Variants in UMPS observed in about 807,000 individuals in gnomAD.
UMPS encodes uridine 5'-monophosphate synthase.
UMPS carries 21 observed loss-of-function variants against 38.9 expected under a neutral mutation model. That is an observed-to-expected ratio of 0.54 (90% CI 0.38 to 0.78). The LOEUF (loss-of-function observed/expected upper bound fraction) is 0.78, where lower values mean the gene tolerates loss of function less well. Ranked by LOEUF, UMPS falls within the 30% of genes least tolerant of loss-of-function variation. UMPS has a pLI of 0.00. For synonymous variants in UMPS, 208 were observed against 219.3 expected (o/e 0.95, Z 0.45); for missense variants, 533 against 591.6 (o/e 0.90, Z 1.03).
intron 2 of UMPS, among the ~76,000 whole-genome samples, chr3:124,735,759 T>C (rs983455250): frequency 2.6e-5 from 4 of 152,070 alleles, no homozygotes; most frequent in African/African-American, 9.7e-5. Flanking sequence ...GGCGGATCAC[T>C]TGAGGTCAGG....
chr3:124,737,073 A>G, intron 2 of UMPS: 1 of 156,076 alleles, frequency 6.4e-6, no homozygotes, highest in Non-Finnish European at 1.4e-5. Flanking sequence ...ATTCTGTTTC[A>G]TAACTTTCCT....
chr3:124,731,795 G>T (rs1471146252), intron 1 of UMPS, among the ~76,000 whole-genome samples: 1 of 151,720 alleles, frequency 6.6e-6, no homozygotes, highest in Non-Finnish European at 1.5e-5. Context: ...TACTCAGGAG[G>T]CTGAGGCAGA....
rs1305119781 is a variant in UMPS, at chr3:124,737,923, C to G, written c.666C>G (p.Pro222=). The G allele has an allele frequency of 6.2e-7, 1 of 1,614,178 alleles. No homozygotes were observed. Among genetic ancestry groups the G allele is most frequent in the Non-Finnish European group, 8.5e-7 (1 of 1,180,024 alleles). The part of the protein sequence containing the change: ...NGSPLSIKEA[P]KELSFGARAE... Reference sequence around the variant, plus strand: ...CTCCCCTTTCTATAAAGGAAGCACCCAAAGAACTCAGCTTCGGTGCACGTG... The same window carrying G: ...CTCCCCTTTCTATAAAGGAAGCACCGAAAGAACTCAGCTTCGGTGCACGTG... Residue 222 remains proline (P), a synonymous_variant, in exon 3 of 6, where the codon CCC becomes CCG. Coordinates refer to ENST00000232607, the MANE Select transcript of UMPS (RefSeq NM_000373.4).
rs909266994 is a variant in UMPS, at chr3:124,744,315, G to C, written c.*231G>C. On this transcript the variant is annotated 3_prime_UTR_variant, in exon 6 of 6. Transcript: ENST00000232607. Reference sequence around the variant, plus strand: ...CTTAAGCTTGCTTTTTTTGAGACTGGTGTTTGTTAGACAGCCACAGTCCTG... The same window carrying C: ...CTTAAGCTTGCTTTTTTTGAGACTGCTGTTTGTTAGACAGCCACAGTCCTG... 3.4e-6 allele frequency: 2 copies of C among 594,740 alleles called. No homozygotes were observed. Among genetic ancestry groups the C allele is most frequent in the Non-Finnish European group, 6.2e-6 (2 of 321,178 alleles). The allele number at this position is 594,740 out of a possible 1,614,324, so 36.8% of individuals were successfully genotyped here.
chr3:124,745,500 A>C lies in UMPS; in HGVS notation c.*1416A>C, dbSNP rs1399247759. 2.2e-6 allele frequency: 1 copy of C among 453,928 alleles called. No individual in the cohort carries two copies. The highest frequency in any genetic ancestry group is 4.4e-6 in the Non-Finnish European group (1 of 226,762). The allele number at this position is 453,928 out of a possible 1,614,324, so 28.1% of individuals were successfully genotyped here. ...TGCCTCAGCCTCCCGAGTAGCTGGG[A>C]CTACAAGCCTAGGATTTTTAACTCA... On this transcript the variant is annotated 3_prime_UTR_variant, in exon 6 of 6. Transcript: ENST00000232607.
intron 4 of UMPS, among the ~76,000 whole-genome samples, chr3:124,740,881 C>G (rs963776272): frequency 2.6e-5 from 4 of 151,942 alleles, no homozygotes; most frequent in African/African-American, 4.8e-5. Flanking sequence ...GCTTGAAGTT[C>G]AAGGCTGCAG....
intron 1 of UMPS, among the ~76,000 whole-genome samples, chr3:124,734,438 T>C (rs1001778418): frequency 4.6e-5 from 7 of 152,230 alleles, no homozygotes; most frequent in Non-Finnish European, 1.5e-5. Context: ...GTTTAGATAC[T>C]CAGCCTAATG....
Position 124,737,942 on chromosome 3 carries a change from GC to G in UMPS, c.686del (p.Ala229AspfsTer41). On this transcript the variant is annotated frameshift_variant, in exon 3 of 6. Coordinates refer to ENST00000232607, the MANE Select transcript of UMPS (RefSeq NM_000373.4). LOFTEE classifies it high-confidence loss of function. ...KEAPKELSFGARAELPRIHPV... is the reference protein window; with the variant it reads ...KEAPKELSFGXRAELPRIHPV... The stretch of plus-strand genomic sequence containing the variant: ...AGCACCCAAAGAACTCAGCTTCGGT[GC>G]ACGTGCAGAGCTGCCCAGGATCCAC... 1 of 1,614,210 alleles carries G rather than the reference GC, an allele frequency of 6.2e-7. No individual in the cohort carries two copies. The highest frequency in any genetic ancestry group is 8.5e-7 in the Non-Finnish European group (1 of 1,180,032).
In UMPS at chr3:124,747,577, C is replaced by G. The variant is rs1265466415; in HGVS notation, c.*3493C>G. The G allele has an allele frequency of 2.2e-6, 1 of 453,010 alleles. No homozygotes were observed. The highest frequency in any genetic ancestry group is 2.3e-5 in the Admixed American group (1 of 42,558). The allele number at this position is 453,010 out of a possible 1,614,324, so 28.1% of individuals were successfully genotyped here. ...GAGCAGAGCCTACTCCAGCCTCCCC[C>G]GTCCAATGTATGAAAGCCCCAGCTG... On this transcript the variant is annotated 3_prime_UTR_variant, in exon 6 of 6. Transcript: ENST00000232607.
In UMPS at chr3:124,747,988, G is replaced by C. The variant is rs2063615399; in HGVS notation, c.*3904G>C. 1 of 453,214 alleles carries C rather than the reference G, an allele frequency of 2.2e-6. No homozygotes were observed. The allele number at this position is 453,214 out of a possible 1,614,324, so 28.1% of individuals were successfully genotyped here. A position where few individuals can be genotyped will look rare whatever the true frequency, so the allele number is the denominator to read the frequency against. On this transcript the variant is annotated 3_prime_UTR_variant, in exon 6 of 6. Transcript: ENST00000232607. ...TTCAGTGCCAGGGCTGAATGAGAAA[G>C]GGCATTCCTTTTTGAAGGAATCTGA...
intron 4 of UMPS, among the ~76,000 whole-genome samples, chr3:124,740,764 A>C (rs771025238): frequency 1.3e-5 from 2 of 152,062 alleles, no homozygotes; most frequent in African/African-American, 4.8e-5. Flanking sequence ...TGGACGTCAT[A>C]GTGAGATCTC....
chr3:124,745,257 A>T lies in UMPS; in HGVS notation c.*1173A>T, dbSNP rs2150903414. The T allele has an allele frequency of 4.4e-6, 2 of 454,092 alleles. No homozygotes were observed. The highest frequency in any genetic ancestry group is 6.9e-4 in the Middle Eastern group (1 of 1,444). The allele number at this position is 454,092 out of a possible 1,614,324, so 28.1% of individuals were successfully genotyped here. On this transcript the variant is annotated 3_prime_UTR_variant, in exon 6 of 6. Transcript: ENST00000232607. Reference sequence around the variant, plus strand: ...GTGCTCATTGCACCAGCACACTCACATTCCTTCTCATTTGGGGCCCACCTG... The same window carrying T: ...GTGCTCATTGCACCAGCACACTCACTTTCCTTCTCATTTGGGGCCCACCTG...
Position 124,738,217 on chromosome 3 carries a change from C to T in UMPS, c.960C>T (p.Asn320=). The T allele has an allele frequency of 2.5e-6, 4 of 1,613,978 alleles. No individual in the cohort carries two copies. Among genetic ancestry groups the T allele is most frequent in the Non-Finnish European group, 3.4e-6 (4 of 1,180,014 alleles). Reference sequence around the variant, plus strand: ...ACCGGAAGTTTGCAGATATAGGAAACACAGTGAAAAAGCAGTATGAAGGTA... The same window carrying T: ...ACCGGAAGTTTGCAGATATAGGAAATACAGTGAAAAAGCAGTATGAAGGTA... The part of the protein sequence containing the change: ...FEDRKFADIG[N]TVKKQYEGGI... Residue 320 remains asparagine (N), a synonymous_variant, in exon 3 of 6, where the codon AAC becomes AAT. Transcript: ENST00000232607.
rs938429050 is a variant in UMPS at position 124,745,230 on chromosome 3, C to T, written c.*1146C>T. 2.9e-5 allele frequency: 13 copies of T among 453,976 alleles called. No individual in the cohort carries two copies. The highest frequency in any genetic ancestry group is 1.2e-4 in the African/African-American group (6 of 49,984). The allele number at this position is 453,976 out of a possible 1,614,324, so 28.1% of individuals were successfully genotyped here. On this transcript the variant is annotated 3_prime_UTR_variant, in exon 6 of 6. Coordinates refer to ENST00000232607, the MANE Select transcript of UMPS (RefSeq NM_000373.4). ...AGCAGGGGCAGGGTGAGGGCTGTCCCGGTGCTCATTGCACCAGCACACTCA... is the reference window on the plus strand; with the variant it reads ...AGCAGGGGCAGGGTGAGGGCTGTCCTGGTGCTCATTGCACCAGCACACTCA...
At chr3:124,734,408 A>G (rs1296105455) in intron 1 of UMPS, among the ~76,000 whole-genome samples, 4 of 152,200 alleles carry the variant, frequency 2.6e-5, no homozygotes, top group African/African-American at 9.6e-5. Flanking sequence ...CTTTCAGGAT[A>G]TATAACTAAA....
rs910560000 is a variant in UMPS at position 124,746,402 on chromosome 3, A to G, written c.*2318A>G. On this transcript the variant is annotated 3_prime_UTR_variant, in exon 6 of 6. Transcript: ENST00000232607. ...TGATCTGTTTCTGATTTGTATTTCT[A>G]TTGTGAAGAGTCAGCCCAGTACTGC... The G allele has an allele frequency of 1.5e-5, 7 of 453,980 alleles. No individual in the cohort carries two copies. The highest frequency in any genetic ancestry group is 1.2e-4 in the African/African-American group (6 of 50,008). The allele number at this position is 453,980 out of a possible 1,614,324, so 28.1% of individuals were successfully genotyped here. A position where few individuals can be genotyped will look rare whatever the true frequency, so the allele number is the denominator to read the frequency against.
chr3:124,739,285 A>T (rs777791365), intron 3 of UMPS, among the ~76,000 whole-genome samples: 22 of 152,240 alleles, frequency 1.4e-4, no homozygotes, highest in Non-Finnish European at 1.3e-4. Flanking sequence ...AGCTGCTGAG[A>T]GACCCCTGCA....
At chr3:124,730,733 A>G in intron 1 of UMPS, 106 bp downstream of exon 1, 2 of 1,369,058 alleles carry the variant, frequency 1.5e-6, no homozygotes, top group Non-Finnish European at 2.0e-6. Context: ...AAAAGAGCCA[A>G]GCAGGCAGAC....
At position 124,740,953 on chromosome 3, in the gene UMPS, TTAAAAA is replaced by T. The variant is rs17843838; in HGVS notation, c.1158+761_1158+766del. On this transcript the variant is annotated intron_variant, in intron 4 of 5. Transcript: ENST00000232607. Reference sequence around the variant, plus strand: ...AAGAGTAAGAGCCTGTCAAAAAAAATTAAAAATAAAAAGCCCCAAGAAAATCCCCAT... The same window carrying T: ...AAGAGTAAGAGCCTGTCAAAAAAAATTAAAAAGCCCCAAGAAAATCCCCAT... Among the ~76,000 whole-genome samples, 922 of 151,874 alleles carry T rather than the reference TTAAAAA, an allele frequency of 6.1e-3. 4 individuals are homozygous for T. Among genetic ancestry groups the T allele is most frequent in the Middle Eastern group, 0.02 (6 of 294 alleles).
Sources: gnomAD v4.1 joint callset for allele counts (sites outside exome capture counted in the v4.1 genomes callset) on GRCh38, gnomAD v4.1.1 for gene constraint, MANE v1.5 for transcripts, NCBI Gene and HGNC (gene_info 2026-07-23, HGNC 2026-07-21) for gene names.